The following LAMC2 variants were observed in gnomAD, a reference collection of about 807,000 sequenced individuals.
LAMC2 encodes the protein laminin subunit gamma-2.
LAMC2 carries 97 observed loss-of-function variants against 140.2 expected under a neutral mutation model. The ratio of observed to expected loss-of-function variants is 0.69; its 90% CI spans 0.59 to 0.82. The LOEUF is 0.82. LAMC2 is among the 40% of genes least tolerant of loss of function. The pLI, the probability that LAMC2 is intolerant of heterozygous loss-of-function variation, is 0.00. For synonymous variants in LAMC2, 513 were observed against 540.2 expected (o/e 0.95, Z 0.70); for missense variants, 1,402 against 1,476.1 (o/e 0.95, Z 0.82).
At chr1:183,247,609 TAAAC>T (rs761611404), downstream of LAMC2, among the ~76,000 whole-genome samples, 1 of 151,626 alleles carries the variant, frequency 6.6e-6, no homozygotes, top group African/African-American at 2.4e-5. Context: ...ATAAATCTGA[TAAAC>T]AAACAGCTAA....
intron 22 of LAMC2, chr1:183,240,934 T>C (rs1660117966): frequency 6.2e-6 from 1 of 160,986 alleles, no homozygotes; most frequent in African/African-American, 2.4e-5. Flanking sequence ...AAGGAAGATT[T>C]TCCCAGTCTG....
At position 183,207,922 on chromosome 1, in the gene LAMC2, C is replaced by T. The variant is rs1658945830; in HGVS notation, c.121C>T (p.Arg41Trp). Residue 41 changes from arginine (R) to tryptophan (W), a missense_variant, in exon 2 of 23, where the codon CGG (arginine) becomes TGG (tryptophan). By Grantham distance (101) the Arg-to-Trp change is moderately radical. Coordinates refer to ENST00000264144, the MANE Select transcript of LAMC2 (RefSeq NM_005562.3). ...GAAGTCCAGGCAGTGTATCTTTGATCGGGAACTTCACAGACAAACTGGTAA... is the reference window on the plus strand; with the variant it reads ...GAAGTCCAGGCAGTGTATCTTTGATTGGGAACTTCACAGACAAACTGGTAA... ...NGKSRQCIFD[R>W]ELHRQTGNGF... 6 of 1,610,170 alleles carry T rather than the reference C, an allele frequency of 3.7e-6. No individual in the cohort carries two copies. The highest frequency in any genetic ancestry group is 5.1e-6 in the Non-Finnish European group (6 of 1,179,614).
downstream of LAMC2, among the ~76,000 whole-genome samples, chr1:183,247,749 A>G (rs997362774): frequency 6.6e-6 from 1 of 152,222 alleles, no homozygotes; most frequent in Non-Finnish European, 1.5e-5. Flanking sequence ...ACTGAAGGTG[A>G]AATAAGAACT....
At chr1:183,189,087 C>T (rs111631459) in intron 1 of LAMC2, among the ~76,000 whole-genome samples, 19 of 152,114 alleles carry the variant, frequency 1.2e-4, no homozygotes, top group African/African-American at 4.3e-4. Flanking sequence ...ATGATGAAGA[C>T]TTTCATCATG....
At chr1:183,254,498 G>C in the LAMC2 span, among the ~76,000 whole-genome samples, 6 of 152,192 alleles carry the variant, frequency 3.9e-5, no homozygotes, top group African/African-American at 1.4e-4. Context: ...GAGTGCAGTA[G>C]TGAGTCATGG....
chr1:183,238,234 G>A (rs1660024679), intron 18 of LAMC2, 73 bp from the exon 19 acceptor site: 9 of 1,068,616 alleles, frequency 8.4e-6, no homozygotes, highest in Admixed American at 6.9e-5. Flanking sequence ...CTGTCATGAA[G>A]AGAAATGTGT....
Position 183,235,719 on chromosome 1 carries a change from G to C in LAMC2, c.2445G>C (p.Gly815=). 2 of 1,614,162 alleles carry C rather than the reference G, an allele frequency of 1.2e-6. No homozygotes were observed. The highest frequency in any genetic ancestry group is 1.7e-6 in the Non-Finnish European group (2 of 1,180,026). The change falls in exon 16 of 23, where the codon GGG becomes GGC. Residue 815 remains glycine, a synonymous_variant. Coordinates refer to ENST00000264144, the MANE Select transcript of LAMC2 (RefSeq NM_005562.3). ...GCCCGGACGGTGCTGTGGTGCAAGG[G>C]CTTGTGGAAAAGTACGTTCCTACGG... ...SGSPDGAVVQ[G]LVEKLEKTKS... is the part of the protein sequence containing the mutation.
At chr1:183,252,405 T>C in the LAMC2 span, 1 of 486,492 alleles carries the variant, frequency 2.1e-6, no homozygotes, top group Admixed American at 3.3e-5. Flanking sequence ...TTCCCCCGAC[T>C]CCCACCCCAT....
rs1350647200 is a variant in LAMC2, at chr1:183,235,582, G to A, written c.2308G>A (p.Glu770Lys). Residue 770 changes from glutamate to lysine, a missense_variant, in exon 16 of 23, where the codon GAG becomes AAG. Physicochemically the swap from Glu to Lys is moderately conservative, Grantham distance 56 (BLOSUM62 1). Coordinates refer to ENST00000264144, the MANE Select transcript of LAMC2 (RefSeq NM_005562.3). ...EATRLAESHV[E>K]SASNMEQLTR... ...TGTTTTTAATCCTTTCAGCCACGTT[G>A]AGTCAGCCAGTAACATGGAGCAACT... 6.2e-7 allele frequency: 1 copy of A among 1,614,214 alleles called. No homozygotes were observed. Among genetic ancestry groups the A allele is most frequent in the Non-Finnish European group, 8.5e-7 (1 of 1,180,036 alleles).
chr1:183,227,991 G>A lies in LAMC2; in HGVS notation c.1468+294G>A, dbSNP rs950729949. 2.0e-5 allele frequency among the ~76,000 whole-genome samples: 3 copies of A among 152,178 alleles called. No individual in the cohort carries two copies. In the East Asian group the frequency reaches 5.8e-4, roughly 29 times the overall value. ...CCAAGCACATGGTTTGTTTCTTAATGAACTAAGATAACGAGGGAAAACTTA... is the reference window on the plus strand; with the variant it reads ...CCAAGCACATGGTTTGTTTCTTAATAAACTAAGATAACGAGGGAAAACTTA... On this transcript the variant is annotated intron_variant, in intron 10 of 22. Transcript: ENST00000264144.
At chr1:183,208,423 T>C (rs1658968157) in intron 2 of LAMC2, among the ~76,000 whole-genome samples, 1 of 152,148 alleles carries the variant, frequency 6.6e-6, no homozygotes, top group Non-Finnish European at 1.5e-5. Flanking sequence ...CAAAGGAAGC[T>C]TGCACTCTTT....
At chr1:183,217,741 C>A (rs937034671) in intron 3 of LAMC2, among the ~76,000 whole-genome samples, 1 of 152,128 alleles carries the variant, frequency 6.6e-6, no homozygotes, top group Non-Finnish European at 1.5e-5. Flanking sequence ...GGAGGTGGGA[C>A]TGGAGGGAAG....
intron 1 of LAMC2, among the ~76,000 whole-genome samples, chr1:183,196,230 C>T (rs553124608): frequency 7.9e-5 from 12 of 152,036 alleles, no homozygotes; most frequent in Non-Finnish European, 1.5e-4. Context: ...CTCTGCCTAC[C>T]GGGTTCAAGT....
chr1:183,243,041 G>A lies in LAMC2; in HGVS notation c.3329-106G>A, dbSNP rs1485444308. 3 of 1,248,018 alleles carry A rather than the reference G, an allele frequency of 2.4e-6. No individual in the cohort carries two copies. In the African/African-American group the frequency reaches 4.5e-5, roughly 19 times the overall value. The allele number at this position is 1,248,018 out of a possible 1,614,324, so 77.3% of individuals were successfully genotyped here. Reference sequence around the variant, plus strand: ...AATTCATGGTATACTATTTGCTCTAGGCAAGTGGAAATGGGAATTAGTTAT... The same window carrying A: ...AATTCATGGTATACTATTTGCTCTAAGCAAGTGGAAATGGGAATTAGTTAT... On this transcript the variant is annotated intron_variant, in intron 22 of 22. Coordinates refer to ENST00000264144, the MANE Select transcript of LAMC2 (RefSeq NM_005562.3).
At chr1:183,253,376 G>A in the LAMC2 span, among the ~76,000 whole-genome samples, 1 of 149,618 alleles carries the variant, frequency 6.7e-6, no homozygotes, top group Non-Finnish European at 1.5e-5. Context: ...TACTGTAGTG[G>A]ACCAAATTAA....
intron 1 of LAMC2, among the ~76,000 whole-genome samples, chr1:183,205,667 G>C (rs1658862607): frequency 6.6e-6 from 1 of 152,122 alleles, no homozygotes. Context: ...AACTTGAACA[G>C]GAAAAGACTA....
At chr1:183,253,190 ATAT>A in the LAMC2 span, among the ~76,000 whole-genome samples, 1 of 149,728 alleles carries the variant, frequency 6.7e-6, no homozygotes, top group South Asian at 2.1e-4. Context: ...AGATACACAT[ATAT>A]TATCATCATA....
Position 183,215,600 on chromosome 1 carries a change from C to T in LAMC2, c.404+12C>T, listed in dbSNP as rs1659229920. On this transcript the variant is annotated intron_variant, in intron 3 of 22. Coordinates refer to ENST00000264144, the MANE Select transcript of LAMC2 (RefSeq NM_005562.3). ...GACCAGAGACTGCTGTGAGTATTTG[C>T]ATCCCACCATGGCTGTCACTAACTC... 6.2e-7 allele frequency: 1 copy of T among 1,614,100 alleles called. No homozygotes were observed. Among genetic ancestry groups the T allele is most frequent in the Non-Finnish European group, 8.5e-7 (1 of 1,179,984 alleles).
chr1:183,231,429 T>A (rs1274547283), intron 12 of LAMC2, among the ~76,000 whole-genome samples: 1 of 152,150 alleles, frequency 6.6e-6, no homozygotes, highest in Non-Finnish European at 1.5e-5. Context: ...ATACTTGAAA[T>A]TTTTCAAAGT....
Sources: allele counts gnomAD v4.1 joint callset (sites outside exome capture counted in the v4.1 genomes callset), GRCh38; gene constraint gnomAD v4.1.1; transcripts MANE v1.5; gene names NCBI Gene and HGNC (gene_info 2026-07-23, HGNC 2026-07-21).